Variants in PYGL observed in about 807,000 individuals in gnomAD.
PYGL encodes glycogen phosphorylase L.
In PYGL, 90 loss-of-function variants were observed where a neutral mutation model predicts 100.1. The observed-to-expected ratio is 0.90, with a 90% CI of 0.76 to 1.07. PYGL has a LOEUF of 1.07. Ranked by LOEUF, PYGL falls within the 50% of genes least tolerant of loss-of-function variation. PYGL has a pLI of 0.00. For missense variants in PYGL, 1,016 were observed against 1,057.6 expected, an observed-to-expected ratio of 0.96 and a Z score of 0.55; for synonymous variants, 373 against 393.0, an observed-to-expected ratio of 0.95 and a Z score of 0.60.
intron 2 of PYGL, among the ~76,000 whole-genome samples, chr14:50,936,548 C>G (rs1474661629): frequency 6.6e-6 from 1 of 152,234 alleles, no homozygotes; most frequent in Non-Finnish European, 1.5e-5. Context: ...GTGACTCACA[C>G]TTGTAATTCC....
intron 1 of PYGL, among the ~76,000 whole-genome samples, chr14:50,939,975 C>T (rs2139200417): frequency 6.6e-6 from 1 of 152,328 alleles, no homozygotes; most frequent in South Asian, 2.1e-4. Flanking sequence ...ACATCCATGA[C>T]CTAACGGGCC....
intron 3 of PYGL, 66 bp from the exon 4 acceptor site, chr14:50,931,842 C>A (rs990339679): frequency 3.0e-5 from 39 of 1,308,956 alleles, no homozygotes; most frequent in East Asian, 2.3e-4. Context: ...CCAGTCTTTC[C>A]CTAAAACACA....
At chr14:50,917,352 C>A (rs1289810066) in intron 7 of PYGL, among the ~76,000 whole-genome samples, 1 of 152,116 alleles carries the variant, frequency 6.6e-6, no homozygotes, top group Non-Finnish European at 1.5e-5. Context: ...ATAGCAACAA[C>A]CTTTTAGAGG....
intron 7 of PYGL, 135 bp from the exon 8 acceptor site, chr14:50,917,240 A>T: frequency 1.0e-6 from 1 of 972,930 alleles, no homozygotes; most frequent in East Asian, 2.5e-5. Context: ...TTTGAATGCC[A>T]AACTGTGAGC....
intron 16 of PYGL, among the ~76,000 whole-genome samples, chr14:50,911,133 G>A (rs924619240): frequency 1.3e-5 from 2 of 152,214 alleles, no homozygotes; most frequent in Non-Finnish European, 2.9e-5. Context: ...TGTGGATGGT[G>A]CTCTGTGAGC....
intron 1 of PYGL, among the ~76,000 whole-genome samples, chr14:50,943,378 G>C (rs1283278343): frequency 6.6e-6 from 1 of 152,228 alleles, no homozygotes; most frequent in Non-Finnish European, 1.5e-5. Context: ...ACCCTAAGGA[G>C]GTCTCTGCTC....
At chr14:50,905,762 GA>G (rs1286575425) in intron 19 of PYGL, among the ~76,000 whole-genome samples, 3 of 152,040 alleles carry the variant, frequency 2.0e-5, no homozygotes, top group Non-Finnish European at 4.4e-5. Flanking sequence ...TCTTAGGAAT[GA>G]AAAAAAGGTA....
At chr14:50,928,670 C>T (rs991116270) in intron 4 of PYGL, among the ~76,000 whole-genome samples, 4 of 152,298 alleles carry the variant, frequency 2.6e-5, no homozygotes, top group East Asian at 3.9e-4. Flanking sequence ...GAACACTCCA[C>T]GCCTGCAAAT....
Position 50,915,403 on chromosome 14 carries a change from A to C in PYGL, c.1336T>G (p.Cys446Gly). 6.2e-7 allele frequency: 1 copy of C among 1,614,208 alleles called. No homozygotes were observed. Among genetic ancestry groups the C allele is most frequent in the Non-Finnish European group, 8.5e-7 (1 of 1,180,034 alleles). The change falls in exon 11 of 20, where the codon TGC becomes GGC. Residue 446 changes from cysteine to glycine, a missense_variant. Transcript: ENST00000216392. Reference protein sequence around the residue: ...GSKRINMAHLCIVGSHAVNGV... With the variant: ...GSKRINMAHLGIVGSHAVNGV... The stretch of plus-strand genomic sequence containing the variant: ...TTCACAGCATGGGAACCGACAATGC[A>C]GAGATGGGCCATGTTGATCCTTTTG...
intron 12 of PYGL, 130 bp from the exon 13 acceptor site, chr14:50,913,260 G>A (rs2050416397): frequency 2.6e-6 from 2 of 756,070 alleles, no homozygotes; most frequent in South Asian, 3.0e-5. Flanking sequence ...ACATGGGATA[G>A]TTTGACTCAA....
Position 50,944,165 on chromosome 14 carries a change from G to T in PYGL, c.239C>A (p.Pro80His). 1 of 1,604,426 alleles carries T rather than the reference G, an allele frequency of 6.2e-7. No individual in the cohort carries two copies. Among genetic ancestry groups the T allele is most frequent in the Middle Eastern group, 1.7e-4 (1 of 6,016 alleles). Residue 80 changes from proline (P) to histidine (H), a missense_variant, in exon 1 of 20, where the codon CCC (proline) becomes CAC (histidine). Pro to His is a moderately conservative substitution (Grantham distance 77). Transcript: ENST00000216392. ...RTQQHYYDKC[P>H]KRVYYLSLEF... ...CGCCGTCCCGCCCCCGGTTACCTTG[G>T]GGCACTTGTCGTAGTAGTGCTGCTG...
At position 50,944,448 on chromosome 14, in the gene PYGL, A is replaced by G. The variant is rs1273836029; in HGVS notation, c.-45T>C. ...GCGGCGGGCTGCGCAGAGAGCTGGA[A>G]GTGCGGCCGGAGGCGCTGGGCTGCC... is the stretch of plus-strand genomic sequence containing the variant. On this transcript the variant is annotated 5_prime_UTR_variant, in exon 1 of 20. Coordinates refer to ENST00000216392, the MANE Select transcript of PYGL (RefSeq NM_002863.5). 5.8e-6 allele frequency: 9 copies of G among 1,555,924 alleles called. No homozygotes were observed. The South Asian group carries it at 1.0e-4, about 18-fold the overall frequency.
At position 50,931,751 on chromosome 14, in the gene PYGL, G is replaced by A. The variant is rs771869767; in HGVS notation, c.450C>T (p.Thr150=). The A allele has an allele frequency of 6.2e-7, 1 of 1,613,824 alleles. No individual in the cohort carries two copies. Among genetic ancestry groups the A allele is most frequent in the South Asian group, 1.1e-5 (1 of 91,064 alleles). ...LAACFLDSMA[T]LGLAAYGYGI... is the part of the protein sequence containing the mutation. ...CGTATCCATAGGCTGCAAGTCCCAG[G>A]GTTGCCATGGAATCCAAGAAGCAGG... Residue 150 remains threonine (T), a synonymous_variant, in exon 4 of 20, where the codon ACC becomes ACT. Transcript: ENST00000216392.
chr14:50,915,289 AT>A, intron 11 of PYGL, 46 bp downstream of exon 11: 1 of 1,599,344 alleles, frequency 6.3e-7, no homozygotes, highest in Non-Finnish European at 8.6e-7. Flanking sequence ...GCATCATTCC[AT>A]TAATGGATCA....
Position 50,935,154 on chromosome 14 carries a change from A to G in PYGL, c.377T>C (p.Ile126Thr), listed in dbSNP as rs762850515. 5.6e-6 allele frequency: 9 copies of G among 1,612,866 alleles called. No individual in the cohort carries two copies. Among genetic ancestry groups the G allele is most frequent in the East Asian group, 4.5e-5 (2 of 44,872 alleles). The part of the protein sequence containing the change: ...LGLDIEELEE[I>T]EEDAGLGNGG... ...ATTGCCAAGTCCAGCATCTTCTTCA[A>G]TTTCTTCTAACTCTTCTATATCCAA... Residue 126 changes from isoleucine to threonine, a missense_variant, in exon 3 of 20, where the codon ATT becomes ACT. Physicochemically the swap from Ile to Thr is moderately conservative, Grantham distance 89 (BLOSUM62 -1). Transcript: ENST00000216392.
intron 16 of PYGL, 99 bp from the exon 17 acceptor site, chr14:50,910,201 G>GT: frequency 8.1e-7 from 1 of 1,230,716 alleles, no homozygotes; most frequent in Non-Finnish European, 1.2e-6. Context: ...GATAATTAAA[G>GT]TAATACATGC....
At chr14:50,914,591 A>C in intron 12 of PYGL, 110 bp downstream of exon 12, 1 of 842,554 alleles carries the variant, frequency 1.2e-6, no homozygotes, top group Non-Finnish European at 2.0e-6. Context: ...CACAAACCAC[A>C]TGCTGAGGAA....
At chr14:50,918,248 T>C (rs1368332013) in intron 7 of PYGL, among the ~76,000 whole-genome samples, 2 of 152,210 alleles carry the variant, frequency 1.3e-5, no homozygotes, top group Non-Finnish European at 2.9e-5. Context: ...TATAAATTAG[T>C]ACAGCTACTA....
intron 17 of PYGL, 63 bp from the exon 18 acceptor site, chr14:50,909,018 A>G: frequency 6.7e-7 from 1 of 1,497,146 alleles, no homozygotes; most frequent in Non-Finnish European, 9.3e-7. Flanking sequence ...GTGATTAACA[A>G]CACACTAGAC....
Sources: allele counts gnomAD v4.1 joint callset (sites outside exome capture counted in the v4.1 genomes callset), GRCh38; gene constraint gnomAD v4.1.1; transcripts MANE v1.5; gene names NCBI Gene and HGNC (gene_info 2026-07-23, HGNC 2026-07-21).